The following DLGAP2 variants were observed in gnomAD, a reference collection of about 807,000 sequenced individuals.
DLGAP2 encodes DLG associated protein 2, also known as disks large-associated protein 2.
In DLGAP2, 26 loss-of-function variants were observed where a neutral mutation model predicts 100.3. That is an observed-to-expected ratio of 0.26 (90% CI 0.19 to 0.36). The LOEUF (loss-of-function observed/expected upper bound fraction) is 0.36. DLGAP2 is among the 10% of genes least tolerant of loss of function. DLGAP2 has a pLI of 1.00. For synonymous variants in DLGAP2, 886 were observed against 630.1 expected (o/e 1.41, Z -6.08); for missense variants, 1,858 against 1,453.2 (o/e 1.28, Z -4.53).
chr8:1,656,799 G>C (rs537897948), intron 8 of DLGAP2, among the ~76,000 whole-genome samples: 2 of 152,266 alleles, frequency 1.3e-5, no homozygotes, highest in East Asian at 1.9e-4. Context: ...CGTGCCCCAA[G>C]TCATTCCATT....
Position 981,978 on chromosome 8 carries a change from C to G in DLGAP2, c.73+74012C>G, listed in dbSNP as rs73176515. Among the ~76,000 whole-genome samples, 208 of 152,328 alleles carry G rather than the reference C, an allele frequency of 1.4e-3. 1 individual carries two copies. The highest frequency in any genetic ancestry group is 2.6e-3 in the Non-Finnish European group (179 of 68,046). On this transcript the variant is annotated intron_variant, in intron 2 of 14. Coordinates refer to ENST00000637795, the MANE Select transcript of DLGAP2 (RefSeq NM_001346810.2). ...CACAGGTAAACTGGATACCACATCC[C>G]TGGCCTTGGAAGTCATCTCTGGGCA... is the stretch of plus-strand genomic sequence containing the variant.
intron 2 of DLGAP2, among the ~76,000 whole-genome samples, chr8:1,180,700 G>C: frequency 6.6e-6 from 1 of 151,414 alleles, no homozygotes; most frequent in South Asian, 2.1e-4. Context: ...TTACCGTCGA[G>C]TGTGTGTGGG....
intron 2 of DLGAP2, among the ~76,000 whole-genome samples, chr8:1,163,359 G>A (rs932103348): frequency 3.3e-5 from 5 of 152,196 alleles, no homozygotes; most frequent in Admixed American, 1.3e-4. Flanking sequence ...TGTTCCCTTC[G>A]CCTCCGCTCA....
chr8:1,497,617 G>A (rs57909933), intron 3 of DLGAP2, among the ~76,000 whole-genome samples: 6,415 of 152,262 alleles, frequency 0.042, 434 homozygotes, highest in African/African-American at 0.14. Context: ...ATGGTAATTA[G>A]CATTTCTCCC....
At chr8:1,509,346 C>T (rs1563191894) in intron 4 of DLGAP2, among the ~76,000 whole-genome samples, 1 of 52,954 alleles carries the variant, frequency 1.9e-5, no homozygotes, top group African/African-American at 4.7e-5. Context: ...AAAAAAAAAC[C>T]GTATAGACTA....
chr8:899,244 G>T (rs1385890026), intron 1 of DLGAP2, among the ~76,000 whole-genome samples: 1 of 152,232 alleles, frequency 6.6e-6, no homozygotes, highest in Non-Finnish European at 1.5e-5. Context: ...ACGAGCTGTG[G>T]TTTTGCCTGA....
chr8:1,458,002 AT>A (rs1798366471), intron 3 of DLGAP2, among the ~76,000 whole-genome samples: 6 of 129,634 alleles, frequency 4.6e-5, no homozygotes, highest in African/African-American at 6.6e-5. Flanking sequence ...ATATATATAT[AT>A]ATATATATAT....
chr8:1,191,518 A>G (rs1024831974), intron 2 of DLGAP2, among the ~76,000 whole-genome samples: 9 of 152,212 alleles, frequency 5.9e-5, no homozygotes, highest in African/African-American at 2.2e-4. Flanking sequence ...TAAAGTACTA[A>G]GTAAAACAAG....
intron 2 of DLGAP2, among the ~76,000 whole-genome samples, chr8:1,211,408 A>G (rs907200869): frequency 5.9e-5 from 9 of 152,236 alleles, no homozygotes; most frequent in Non-Finnish European, 1.3e-4. Flanking sequence ...GGGTGCAGCA[A>G]AAAGGATTTC....
At chr8:816,363 G>A (rs976476406) in intron 1 of DLGAP2, among the ~76,000 whole-genome samples, 1 of 151,442 alleles carries the variant, frequency 6.6e-6, no homozygotes, top group Non-Finnish European at 1.5e-5. Context: ...TGTATCTCAA[G>A]GATTTGTTTC....
intron 2 of DLGAP2, among the ~76,000 whole-genome samples, chr8:1,040,550 G>A (rs867528178): frequency 2.1e-4 from 28 of 134,842 alleles, no homozygotes; most frequent in East Asian, 2.4e-4. Context: ...GTGCGTGGTC[G>A]GCTCGGTGCG....
intron 3 of DLGAP2, among the ~76,000 whole-genome samples, chr8:1,372,116 G>A (rs952798319): frequency 1.3e-5 from 2 of 152,162 alleles, no homozygotes; most frequent in Admixed American, 6.5e-5. Context: ...TCTGGGACCT[G>A]GGCCCTCACC....
rs562980309 is a variant in DLGAP2, at chr8:855,163, C to T, written c.19-52749C>T. Reference sequence around the variant, plus strand: ...TGTGGGTGGCAGTTGAAAACGTGGGCACGAAGATTTTTAGGAGAAGACACC... The same window carrying T: ...TGTGGGTGGCAGTTGAAAACGTGGGTACGAAGATTTTTAGGAGAAGACACC... On this transcript the variant is annotated intron_variant, in intron 1 of 14. Coordinates refer to ENST00000637795, the MANE Select transcript of DLGAP2 (RefSeq NM_001346810.2). Among the ~76,000 whole-genome samples the T allele has an allele frequency of 6.6e-5, 10 of 152,270 alleles. No homozygotes were observed. The South Asian group carries it at 2.1e-3, about 32-fold the overall frequency.
chr8:1,180,214 A>G (rs1797349438), intron 2 of DLGAP2, among the ~76,000 whole-genome samples: 1 of 141,482 alleles, frequency 7.1e-6, no homozygotes, highest in Non-Finnish European at 1.5e-5. Context: ...TAATTGACTT[A>G]TAACTTACAG....
Position 1,435,764 on chromosome 8 carries a change from C to T in DLGAP2, c.107-65602C>T, listed in dbSNP as rs200582767. 1.0e-3 allele frequency among the ~76,000 whole-genome samples: 159 copies of T among 151,968 alleles called. No homozygotes were observed. In the East Asian group the frequency reaches 0.017, roughly 16 times the overall value. On this transcript the variant is annotated intron_variant, in intron 3 of 14. Coordinates refer to ENST00000637795, the MANE Select transcript of DLGAP2 (RefSeq NM_001346810.2). ...CTGTCACCGCCACTGCCCCTTAAGT[C>T]CTAACAGTGGGACAGGAAGTGAAGC...
chr8:1,370,374 C>T (rs1324249971), intron 3 of DLGAP2, among the ~76,000 whole-genome samples: 2 of 152,160 alleles, frequency 1.3e-5, no homozygotes, highest in African/African-American at 2.4e-5. Context: ...ATCTCGTCAC[C>T]ACCTTAATAC....
intron 8 of DLGAP2, among the ~76,000 whole-genome samples, chr8:1,650,478 C>T (rs1191660036): frequency 6.6e-6 from 1 of 152,196 alleles, no homozygotes; most frequent in Non-Finnish European, 1.5e-5. Flanking sequence ...CACGCTTATT[C>T]TGTGTGTGCG....
At chr8:1,538,885 C>CTT (rs11285812) in intron 4 of DLGAP2, among the ~76,000 whole-genome samples, 1 of 110,352 alleles carries the variant, frequency 9.1e-6, no homozygotes. Flanking sequence ...TGTCACTCAT[C>CTT]TTTTTTTTTT....
chr8:1,214,400 A>G (rs1280467250), intron 2 of DLGAP2, among the ~76,000 whole-genome samples: 1 of 152,210 alleles, frequency 6.6e-6, no homozygotes, highest in South Asian at 2.1e-4. Context: ...ACAGAAGGGC[A>G]TCTCGTAGAT....
Sources: gnomAD v4.1 joint callset for allele counts (sites outside exome capture counted in the v4.1 genomes callset) on GRCh38, gnomAD v4.1.1 for gene constraint, MANE v1.5 for transcripts, NCBI Gene and HGNC (gene_info 2026-07-23, HGNC 2026-07-21) for gene names.